The following AFAP1L2 variants were observed in gnomAD, a reference collection of about 807,000 sequenced individuals.
AFAP1L2 encodes actin filament associated protein 1 like 2.
In AFAP1L2, 46 loss-of-function variants were observed where a neutral mutation model predicts 99.3. The ratio of observed to expected loss-of-function variants is 0.46; its 90% CI spans 0.37 to 0.59. The LOEUF is 0.59. AFAP1L2 is among the 20% of genes least tolerant of loss of function. The pLI is 0.00. For missense variants in AFAP1L2, 959 were observed against 1,034.9 expected, an observed-to-expected ratio of 0.93 and a Z score of 1.01; for synonymous variants, 397 against 419.1, an observed-to-expected ratio of 0.95 and a Z score of 0.64.
rs148962632 is a variant in AFAP1L2 at position 114,327,173 on chromosome 10, AT to A, written c.316-3913del. 7.2e-3 allele frequency among the ~76,000 whole-genome samples: 134 copies of A among 18,684 alleles called. 24 individuals are homozygous for A. Among genetic ancestry groups the A allele is most frequent in the Admixed American group, 0.015 (23 of 1,568 alleles). 12.3% of individuals were successfully genotyped at this position (18,684 alleles called of 152,430 possible). Reference sequence around the variant, plus strand: ...TATATATATATATATATATATATATATTTTTTTTTTAGGCAGAGTCTCACTG... The same window carrying A: ...TATATATATATATATATATATATATATTTTTTTTTAGGCAGAGTCTCACTG... On this transcript the variant is annotated intron_variant, in intron 4 of 18. Coordinates refer to ENST00000304129, the MANE Select transcript of AFAP1L2 (RefSeq NM_001001936.3).
intron 1 of AFAP1L2, among the ~76,000 whole-genome samples, chr10:114,358,075 T>C (rs531852793): frequency 2.0e-5 from 3 of 152,306 alleles, no homozygotes; most frequent in East Asian, 3.9e-4. Flanking sequence ...CAAAGTGAAG[T>C]TGAATTAGAA....
At chr10:114,404,322 G>A in intron 1 of AFAP1L2, 118 bp downstream of exon 1, 1 of 1,186,700 alleles carries the variant, frequency 8.4e-7, no homozygotes, top group Admixed American at 2.0e-5. Flanking sequence ...TCCGGGCTGG[G>A]TGGGGGCAGT....
At chr10:114,396,650 C>T (rs2057750067) in intron 1 of AFAP1L2, among the ~76,000 whole-genome samples, 1 of 152,150 alleles carries the variant, frequency 6.6e-6, no homozygotes, top group South Asian at 2.1e-4. Flanking sequence ...AATACAATAA[C>T]TTTATTGGTA....
At chr10:114,308,585 A>G in intron 8 of AFAP1L2, 68 bp from the exon 9 acceptor site, 1 of 1,393,604 alleles carries the variant, frequency 7.2e-7, no homozygotes. Context: ...CCACAATTGA[A>G]GGGAAAATAA....
chr10:114,322,370 C>T (rs1185533574), intron 5 of AFAP1L2, among the ~76,000 whole-genome samples: 1 of 152,184 alleles, frequency 6.6e-6, no homozygotes, highest in Non-Finnish European at 1.5e-5. Context: ...TGCGTCCCCA[C>T]CTCCTTTCAT....
chr10:114,328,540 A>T (rs1343732370), intron 4 of AFAP1L2, among the ~76,000 whole-genome samples: 2 of 152,072 alleles, frequency 1.3e-5, no homozygotes, highest in Non-Finnish European at 2.9e-5. Context: ...ACAGTGACTC[A>T]GGCAGCTGTG....
chr10:114,302,516 G>A, intron 11 of AFAP1L2, 32 bp from the exon 12 acceptor site: 5 of 1,612,516 alleles, frequency 3.1e-6, no homozygotes, highest in Non-Finnish European at 4.2e-6. Context: ...CATAAGCAGG[G>A]CCAGGCAGTG....
Position 114,333,237 on chromosome 10 carries a change from T to C in AFAP1L2, c.204A>G (p.Ala68=), listed in dbSNP as rs774387650. Residue 68 remains alanine, a synonymous_variant, in exon 3 of 19, where the codon GCA becomes GCG. Transcript: ENST00000304129. ...GCCTCATACCTTTGCCTTGAGACTC[T>C]GCATTCTGTTGCTTGTTGATGGTCA... is the stretch of plus-strand genomic sequence containing the variant. ...NKVTINKQQN[A]ESQGKAPEEQ... is the part of the protein sequence containing the mutation. 1 of 1,613,798 alleles carries C rather than the reference T, an allele frequency of 6.2e-7. No individual in the cohort carries two copies. Among genetic ancestry groups the C allele is most frequent in the Non-Finnish European group, 8.5e-7 (1 of 1,179,916 alleles).
At chr10:114,286,609 C>A in the AFAP1L2 span, 3 of 1,062,076 alleles carry the variant, frequency 2.8e-6, no homozygotes, top group East Asian at 2.6e-5. Flanking sequence ...AGTGCCTCTT[C>A]TAGGGGCTGA....
chr10:114,290,366 G>A (rs202028053), downstream of AFAP1L2: 255 of 1,550,340 alleles, frequency 1.6e-4, 1 homozygote, highest in Admixed American at 2.7e-4. Flanking sequence ...TGCGAGAACC[G>A]TGAGTGGAGC....
chr10:114,344,447 A>C (rs144326888), intron 1 of AFAP1L2, among the ~76,000 whole-genome samples: 12 of 152,152 alleles, frequency 7.9e-5, no homozygotes, highest in African/African-American at 1.4e-4. Flanking sequence ...TCAAAAAAAA[A>C]CCCATAAAAA....
At position 114,299,414 on chromosome 10, in the gene AFAP1L2, C is replaced by T. The variant is rs2040765500; in HGVS notation, c.1959G>A (p.Glu653=). 1.2e-6 allele frequency: 2 copies of T among 1,614,156 alleles called. No individual in the cohort carries two copies. Among genetic ancestry groups the T allele is most frequent in the East Asian group, 4.5e-5 (2 of 44,878 alleles). ...CTGTCCGATTCTTGCCAAGCTTGATCTCTACAGACCCAGAGAGGGAAGCCC... is the reference window on the plus strand; with the variant it reads ...CTGTCCGATTCTTGCCAAGCTTGATTTCTACAGACCCAGAGAGGGAAGCCC... ...VKDRLRVTSA[E]IKLGKNRTEA... Residue 653 remains glutamate, a splice_region_variant and synonymous_variant, in exon 16 of 19, where the codon GAG becomes GAA. Coordinates refer to ENST00000304129, the MANE Select transcript of AFAP1L2 (RefSeq NM_001001936.3).
At chr10:114,309,706 T>G (rs2042930238) in intron 8 of AFAP1L2, among the ~76,000 whole-genome samples, 1 of 152,182 alleles carries the variant, frequency 6.6e-6, no homozygotes, top group African/African-American at 2.4e-5. Flanking sequence ...CCAGAGGCGC[T>G]ACTGAGGAAT....
intron 1 of AFAP1L2, among the ~76,000 whole-genome samples, chr10:114,353,998 G>A (rs1197887237): frequency 6.6e-6 from 1 of 152,170 alleles, no homozygotes; most frequent in Non-Finnish European, 1.5e-5. Flanking sequence ...GCCCTCTGGG[G>A]TAGCCTGATG....
chr10:114,304,772 G>A lies in AFAP1L2; in HGVS notation c.1231C>T (p.His411Tyr). Residue 411 changes from histidine (H) to tyrosine (Y), a missense_variant, in exon 11 of 19, where the codon CAC becomes TAC. By Grantham distance (83) the His-to-Tyr change is moderately conservative. Coordinates refer to ENST00000304129, the MANE Select transcript of AFAP1L2 (RefSeq NM_001001936.3). Reference protein sequence around the residue: ...CEVVPDPSPDHLYSFRILHKG... With the variant: ...CEVVPDPSPDYLYSFRILHKG... ...TGGAGGATGCGGAAGGAGTAGAGGT[G>A]GTCGGGGCTGGGGTCTGGGACCACC... 1 of 1,612,970 alleles carries A rather than the reference G, an allele frequency of 6.2e-7. No individual in the cohort carries two copies. The highest frequency in any genetic ancestry group is 8.5e-7 in the Non-Finnish European group (1 of 1,179,996).
At chr10:114,359,883 C>T (rs1348798729) in intron 1 of AFAP1L2, among the ~76,000 whole-genome samples, 1 of 152,078 alleles carries the variant, frequency 6.6e-6, no homozygotes, top group African/African-American at 2.4e-5. Flanking sequence ...CCCTCCAATC[C>T]TGTTTTAACT....
In AFAP1L2 at chr10:114,319,507, G is replaced by A. The variant is rs1238174541; in HGVS notation, c.406+3664C>T. The A allele has an allele frequency of 5.6e-6, 7 of 1,239,594 alleles. No individual in the cohort carries two copies. The South Asian group carries it at 8.8e-5, about 16-fold the overall frequency. 76.8% of individuals were successfully genotyped at this position (1,239,594 alleles called of 1,614,324 possible). A position where few individuals can be genotyped will look rare whatever the true frequency, so the allele number is the denominator to read the frequency against. ...CCTCGGGACATGCACACATCTTTGA[G>A]AGACAGGCAGCAGGCAAGAATCACT... On this transcript the variant is annotated intron_variant, in intron 5 of 18. Coordinates refer to ENST00000304129, the MANE Select transcript of AFAP1L2 (RefSeq NM_001001936.3).
intron 1 of AFAP1L2, among the ~76,000 whole-genome samples, chr10:114,351,316 C>G (rs1234037126): frequency 6.6e-6 from 1 of 151,972 alleles, no homozygotes; most frequent in African/African-American, 2.4e-5. Flanking sequence ...CATTTGGAGC[C>G]GTAAATCTAA....
At chr10:114,304,656 G>T in intron 11 of AFAP1L2, 63 bp downstream of exon 11, 1 of 1,423,302 alleles carries the variant, frequency 7.0e-7, no homozygotes, top group Non-Finnish European at 9.5e-7. Flanking sequence ...CTGGAGACTG[G>T]CAGCAAACAG....
Sources: gnomAD v4.1 joint callset for allele counts (sites outside exome capture counted in the v4.1 genomes callset) on GRCh38, gnomAD v4.1.1 for gene constraint, MANE v1.5 for transcripts, NCBI Gene and HGNC (gene_info 2026-07-23, HGNC 2026-07-21) for gene names.